The following ZNF385D variants were observed in gnomAD, a reference collection of about 807,000 sequenced individuals.
The protein encoded by ZNF385D is zinc finger protein 659.
Under a neutral mutation model 35.8 loss-of-function variants are expected in ZNF385D, and 15 were observed. The observed-to-expected ratio is 0.42, with a 90% CI of 0.28 to 0.64. The LOEUF is 0.64. Ranked by LOEUF, ZNF385D falls within the 30% of genes least tolerant of loss-of-function variation. The pLI is 0.23. For missense variants in ZNF385D, 474 were observed against 494.6 expected (o/e 0.96, Z 0.39); for synonymous variants, 212 against 186.8 (o/e 1.13, Z -1.10).
At chr3:22,346,892 T>C (rs1182503030) in intron 2 of ZNF385D, among the ~76,000 whole-genome samples, 1 of 152,188 alleles carries the variant, frequency 6.6e-6, no homozygotes, top group Non-Finnish European at 1.5e-5. Flanking sequence ...ACTATCATAA[T>C]GGCATTTTTC....
At chr3:22,132,160 C>G (rs1030841416) in intron 3 of ZNF385D, among the ~76,000 whole-genome samples, 7 of 152,068 alleles carry the variant, frequency 4.6e-5, no homozygotes, top group Non-Finnish European at 8.8e-5. Context: ...ATCTTAACCC[C>G]TGTGGTGATG....
Position 21,703,284 on chromosome 3 carries a change from C to T in ZNF385D, c.23-38256G>A, listed in dbSNP as rs114973990. ...AAACCCCTGATAAAACCATCAGATCCATGAGACTTAATCACTATCACGAGA... is the reference window on the plus strand; with the variant it reads ...AAACCCCTGATAAAACCATCAGATCTATGAGACTTAATCACTATCACGAGA... On this transcript the variant is annotated intron_variant, in intron 1 of 7. Coordinates refer to ENST00000281523, the MANE Select transcript of ZNF385D (RefSeq NM_024697.3). 5.8e-4 allele frequency among the ~76,000 whole-genome samples: 88 copies of T among 152,222 alleles called. 1 individual carries two copies. The highest frequency in any genetic ancestry group is 2.0e-3 in the African/African-American group (85 of 41,540).
intron 1 of ZNF385D, among the ~76,000 whole-genome samples, chr3:21,736,779 C>T (rs1171675449): frequency 6.6e-6 from 1 of 152,170 alleles, no homozygotes; most frequent in Non-Finnish European, 1.5e-5. Context: ...TCCTACAAAT[C>T]CATGCTCTAA....
At chr3:21,700,147 GTTTC>G (rs1030898429) in intron 1 of ZNF385D, among the ~76,000 whole-genome samples, 2 of 152,022 alleles carry the variant, frequency 1.3e-5, no homozygotes, top group Non-Finnish European at 2.9e-5. Flanking sequence ...CCTATGTTAT[GTTTC>G]TATCAGGTAG....
At chr3:21,971,583 G>GA (rs1703260616) in intron 3 of ZNF385D, among the ~76,000 whole-genome samples, 3 of 150,802 alleles carry the variant, frequency 2.0e-5, no homozygotes, top group Non-Finnish European at 3.0e-5. Flanking sequence ...CCAAAAAAAT[G>GA]AAAAAATGGC....
intron 1 of ZNF385D, among the ~76,000 whole-genome samples, chr3:21,687,016 T>G (rs542627999): frequency 2.0e-5 from 3 of 152,302 alleles, no homozygotes; most frequent in South Asian, 2.1e-4. Flanking sequence ...AGACACCATG[T>G]GCTTTCCAGA....
At chr3:21,813,377 A>C (rs1004580183) in intron 3 of ZNF385D, among the ~76,000 whole-genome samples, 1 of 152,234 alleles carries the variant, frequency 6.6e-6, no homozygotes, top group Non-Finnish European at 1.5e-5. Context: ...AGTAGGCCTC[A>C]GAAGAGTGGT....
intron 1 of ZNF385D, among the ~76,000 whole-genome samples, chr3:21,714,320 T>C (rs765585534): frequency 7.2e-5 from 11 of 152,202 alleles, no homozygotes; most frequent in East Asian, 1.9e-4. Flanking sequence ...ATAAGTCTTT[T>C]ATGTTTCAGT....
chr3:22,225,320 G>T (rs1413004268), intron 2 of ZNF385D, among the ~76,000 whole-genome samples: 1 of 152,110 alleles, frequency 6.6e-6, no homozygotes, highest in Non-Finnish European at 1.5e-5. Flanking sequence ...AGGTCCATTT[G>T]TCAGGGCATG....
chr3:21,906,680 C>A (rs1309744812), intron 3 of ZNF385D, among the ~76,000 whole-genome samples: 2 of 152,128 alleles, frequency 1.3e-5, no homozygotes, highest in African/African-American at 2.4e-5. Context: ...CAGATTTGTC[C>A]AGACACAGGC....
intron 2 of ZNF385D, among the ~76,000 whole-genome samples, chr3:22,184,915 G>C (rs1158000855): frequency 6.6e-6 from 1 of 152,102 alleles, no homozygotes. Flanking sequence ...AATTTGTAGT[G>C]ATGTCACTTG....
chr3:21,701,496 C>G (rs1275556977), intron 1 of ZNF385D, among the ~76,000 whole-genome samples: 1 of 152,056 alleles, frequency 6.6e-6, no homozygotes, highest in Non-Finnish European at 1.5e-5. Flanking sequence ...GGTGGGGACA[C>G]AGCAAAATCA....
At chr3:22,237,839 T>TTTACAATTTGTGCTAGAGGAGCTGTGG (rs1339447376) in intron 2 of ZNF385D, among the ~76,000 whole-genome samples, 41 of 151,292 alleles carry the variant, frequency 2.7e-4, no homozygotes, top group Middle Eastern at 3.4e-3. Context: ...AGGTGGGGTT[T>TTTACAATTTGTGCTAGAGGAGCTGTGG]CACCACATTC....
rs1698334280 is a variant in ZNF385D at position 22,222,725 on chromosome 3, C to T, written c.107-53690G>A. 2.6e-5 allele frequency among the ~76,000 whole-genome samples: 4 copies of T among 152,094 alleles called. No individual in the cohort carries two copies. In the South Asian group the frequency reaches 8.3e-4, roughly 32 times the overall value. ...AAATGAAAGAACGGATATAAAAGTGCTTTTGAAAATTATAAAGCTCTAAGT... is the reference window on the plus strand; with the variant it reads ...AAATGAAAGAACGGATATAAAAGTGTTTTTGAAAATTATAAAGCTCTAAGT... On this transcript the variant is annotated intron_variant, in intron 2 of 5. Coordinates refer to the ZNF385D transcript ENST00000494108.
At chr3:21,937,837 C>A (rs1257254931) in intron 3 of ZNF385D, among the ~76,000 whole-genome samples, 1 of 152,106 alleles carries the variant, frequency 6.6e-6, no homozygotes, top group African/African-American at 2.4e-5. Flanking sequence ...TAATATAAGA[C>A]AATATGTATG....
chr3:21,543,762 T>G (rs1034709929), intron 3 of ZNF385D, among the ~76,000 whole-genome samples: 1 of 152,194 alleles, frequency 6.6e-6, no homozygotes, highest in African/African-American at 2.4e-5. Flanking sequence ...CTAGAAGATG[T>G]TGTATTAAGG....
rs562038801 is a variant in ZNF385D, at chr3:22,036,708, GGTTT to G, written c.325+132105_325+132108del. Reference sequence around the variant, plus strand: ...ACGAGAAAGAAGAGTAGCCCTACTAGGTTTTTTTTTTTTTTTTTTATACTCTAAG... The same window carrying G: ...ACGAGAAAGAAGAGTAGCCCTACTAGTTTTTTTTTTTTTTTATACTCTAAG... On this transcript the variant is annotated intron_variant, in intron 3 of 5. Transcript: ENST00000494108. Among the ~76,000 whole-genome samples, 323 of 143,682 alleles carry G rather than the reference GGTTT, an allele frequency of 2.2e-3. 2 individuals are homozygous for G. Among genetic ancestry groups the G allele is most frequent in the African/African-American group, 8.2e-3 (301 of 36,888 alleles). The allele number at this position is 143,682 out of a possible 152,430, so 94.3% of individuals were successfully genotyped here.
At chr3:22,350,220 G>C (rs908950874) in intron 2 of ZNF385D, among the ~76,000 whole-genome samples, 3 of 152,170 alleles carry the variant, frequency 2.0e-5, no homozygotes, top group African/African-American at 2.4e-5. Flanking sequence ...GTTAATATTA[G>C]TTGCTTATAA....
chr3:22,353,007 T>C (rs917468940), intron 2 of ZNF385D, among the ~76,000 whole-genome samples: 1 of 152,162 alleles, frequency 6.6e-6, no homozygotes, highest in African/African-American at 2.4e-5. Flanking sequence ...TGTCTTTGTT[T>C]CTAGATGGTT....
Sources: allele counts gnomAD v4.1 joint callset (sites outside exome capture counted in the v4.1 genomes callset), GRCh38; gene constraint gnomAD v4.1.1; transcripts MANE v1.5; gene names NCBI Gene and HGNC (gene_info 2026-07-23, HGNC 2026-07-21).